The following RCAN2 variants were observed in gnomAD, a reference collection of about 807,000 sequenced individuals.
RCAN2 encodes calcipressin-2.
In RCAN2, 9 loss-of-function variants were observed where a neutral mutation model predicts 23.6. The ratio of observed to expected loss-of-function variants is 0.38; its 90% CI spans 0.23 to 0.67. The LOEUF (loss-of-function observed/expected upper bound fraction) is 0.67. RCAN2 is among the 30% of genes least tolerant of loss of function. The pLI is 0.51. For missense variants in RCAN2, 273 were observed against 302.3 expected (o/e 0.90, Z 0.72); for synonymous variants, 109 against 115.7 (o/e 0.94, Z 0.37).
intron 2 of RCAN2, among the ~76,000 whole-genome samples, chr6:46,298,996 T>G (rs1362582170): frequency 6.6e-6 from 1 of 152,042 alleles, no homozygotes; most frequent in Non-Finnish European, 1.5e-5. Flanking sequence ...TTAAGGGAAC[T>G]CATATAAGAA....
chr6:46,292,031 G>T (rs950153213), intron 2 of RCAN2, among the ~76,000 whole-genome samples: 18 of 152,242 alleles, frequency 1.2e-4, no homozygotes, highest in African/African-American at 4.1e-4. Context: ...TCTGCAATTG[G>T]AATTAAAAGC....
At chr6:46,414,989 G>A (rs993062305) in intron 2 of RCAN2, among the ~76,000 whole-genome samples, 1 of 152,160 alleles carries the variant, frequency 6.6e-6, no homozygotes, top group Non-Finnish European at 1.5e-5. Context: ...GGATTGTATG[G>A]GTATCACAGG....
intron 2 of RCAN2, among the ~76,000 whole-genome samples, chr6:46,346,653 G>T (rs1026593618): frequency 6.6e-6 from 1 of 151,858 alleles, no homozygotes; most frequent in African/African-American, 2.4e-5. Context: ...TATATAGTCA[G>T]ATCCTGTTAT....
rs931504983 is a variant in RCAN2 at position 46,221,283 on chromosome 6, C to T, written c.*1858G>A. On this transcript the variant is annotated 3_prime_UTR_variant, in exon 5 of 5. Transcript: ENST00000371374. The stretch of plus-strand genomic sequence containing the variant: ...TAGCTTAAAAAATCAAGTCAAATGA[C>T]CCACAGATGATTGAGAAGAGTCAGC... 3.3e-5 allele frequency: 5 copies of T among 152,568 alleles called. No homozygotes were observed. The highest frequency in any genetic ancestry group is 1.2e-4 in the African/African-American group (5 of 41,432). 9.5% of individuals were successfully genotyped at this position (152,568 alleles called of 1,614,324 possible). A position where few individuals can be genotyped will look rare whatever the true frequency, so the allele number is the denominator to read the frequency against.
chr6:46,291,639 TC>T (rs1427549511), intron 2 of RCAN2, among the ~76,000 whole-genome samples: 2 of 149,588 alleles, frequency 1.3e-5, no homozygotes, highest in African/African-American at 2.6e-5. Flanking sequence ...CCCCTTACAT[TC>T]TTTTTTTTTT....
intron 2 of RCAN2, among the ~76,000 whole-genome samples, chr6:46,415,334 T>A (rs1766677660): frequency 6.6e-6 from 1 of 152,094 alleles, no homozygotes; most frequent in Admixed American, 6.5e-5. Flanking sequence ...CAAACATGTC[T>A]CTAAAACTTC....
At chr6:46,453,846 A>G (rs1340455759) in intron 2 of RCAN2, among the ~76,000 whole-genome samples, 3 of 152,154 alleles carry the variant, frequency 2.0e-5, no homozygotes, top group Admixed American at 2.0e-4. Context: ...TCAAGACACA[A>G]TGATTTCAGA....
At chr6:46,401,265 C>A (rs1463559676) in intron 2 of RCAN2, among the ~76,000 whole-genome samples, 1 of 152,180 alleles carries the variant, frequency 6.6e-6, no homozygotes, top group African/African-American at 2.4e-5. Flanking sequence ...CTCCTCTGTC[C>A]TTCCAACCTA....
chr6:46,344,238 C>A (rs1420568398), intron 2 of RCAN2, among the ~76,000 whole-genome samples: 1 of 151,956 alleles, frequency 6.6e-6, no homozygotes, highest in Non-Finnish European at 1.5e-5. Context: ...TAAACAATGT[C>A]AAGACAAAAT....
At position 46,480,914 on chromosome 6, in the gene RCAN2, G is replaced by A. The variant is rs533731534; in HGVS notation, c.-3+10259C>T. 2.6e-5 allele frequency among the ~76,000 whole-genome samples: 4 copies of A among 152,326 alleles called. No homozygotes were observed. The South Asian group carries it at 6.2e-4, about 24-fold the overall frequency. On this transcript the variant is annotated intron_variant, in intron 1 of 4. Transcript: ENST00000371374. Reference sequence around the variant, plus strand: ...TGGGATTACAGGCGTGAGCCACTGCGCCCGGCCACTTGTTTTTATAGTTAA... The same window carrying A: ...TGGGATTACAGGCGTGAGCCACTGCACCCGGCCACTTGTTTTTATAGTTAA...
intron 2 of RCAN2, among the ~76,000 whole-genome samples, chr6:46,298,486 T>G (rs973042667): frequency 4.6e-5 from 7 of 152,130 alleles, no homozygotes; most frequent in African/African-American, 1.7e-4. Flanking sequence ...ATTCTTACAA[T>G]GCGATGTTAC....
intron 2 of RCAN2, among the ~76,000 whole-genome samples, chr6:46,456,333 T>C (rs1768029464): frequency 6.6e-6 from 1 of 152,196 alleles, no homozygotes; most frequent in Non-Finnish European, 1.5e-5. Context: ...TTTTAGAACA[T>C]TCGTCAAGCT....
At chr6:46,266,964 T>C (rs761547291) in intron 2 of RCAN2, among the ~76,000 whole-genome samples, 16 of 152,088 alleles carry the variant, frequency 1.1e-4, no homozygotes, top group Non-Finnish European at 2.1e-4. Flanking sequence ...GAATCCTCCC[T>C]GATATAGTAT....
At chr6:46,377,336 T>G (rs186237000) in intron 2 of RCAN2, among the ~76,000 whole-genome samples, 113 of 152,260 alleles carry the variant, frequency 7.4e-4, no homozygotes, top group African/African-American at 2.6e-3. Flanking sequence ...CTACTTTAAC[T>G]TGGAAAACGG....
intron 2 of RCAN2, among the ~76,000 whole-genome samples, chr6:46,286,250 G>A (rs570437144): frequency 5.9e-5 from 9 of 152,028 alleles, no homozygotes; most frequent in African/African-American, 2.2e-4. Context: ...ACCCAATCTG[G>A]CTGTTTCTGC....
At chr6:46,383,071 G>A (rs973259127) in intron 2 of RCAN2, among the ~76,000 whole-genome samples, 1 of 151,936 alleles carries the variant, frequency 6.6e-6, no homozygotes, top group Non-Finnish European at 1.5e-5. Context: ...TTTCTATCAG[G>A]AACTTGAACA....
chr6:46,440,278 T>C (rs928084336), intron 2 of RCAN2, among the ~76,000 whole-genome samples: 2 of 152,212 alleles, frequency 1.3e-5, no homozygotes, highest in African/African-American at 4.8e-5. Context: ...TAAAACCATG[T>C]GGACCTAGAT....
At chr6:46,428,904 T>C (rs1043335381) in intron 2 of RCAN2, among the ~76,000 whole-genome samples, 1 of 152,226 alleles carries the variant, frequency 6.6e-6, no homozygotes, top group African/African-American at 2.4e-5. Flanking sequence ...CCATGGTTTA[T>C]ACCTTGTTAT....
chr6:46,463,371 G>A (rs1201611150), intron 1 of RCAN2, among the ~76,000 whole-genome samples: 3 of 152,114 alleles, frequency 2.0e-5, no homozygotes, highest in East Asian at 1.9e-4. Context: ...TTCATATAAG[G>A]AGCCACGGAT....
Sources: gnomAD v4.1 joint callset for allele counts (sites outside exome capture counted in the v4.1 genomes callset) on GRCh38, gnomAD v4.1.1 for gene constraint, MANE v1.5 for transcripts, NCBI Gene and HGNC (gene_info 2026-07-23, HGNC 2026-07-21) for gene names.